Variants in RYR2 observed in about 807,000 individuals in gnomAD.
RYR2 encodes the protein ryanodine receptor 2, also known as cardiac muscle ryanodine receptor-calcium release channel.
In RYR2, 227 loss-of-function variants were observed where a neutral mutation model predicts 601.1. That is an observed-to-expected ratio of 0.38 (90% CI 0.34 to 0.42). The LOEUF (loss-of-function observed/expected upper bound fraction) is 0.42. Ranked by LOEUF, RYR2 falls within the 10% of genes least tolerant of loss-of-function variation. The probability of loss-of-function intolerance (pLI) is 1.00; values close to 1 mark genes in which losing one functional copy is unlikely to be tolerated. For synonymous variants in RYR2, 2,223 were observed against 2,175.1 expected (o/e 1.02, Z -0.61); for missense variants, 4,646 against 6,156.5 (o/e 0.75, Z 8.21).
chr1:237,758,556 C>T (rs111889062), intron 82 of RYR2, among the ~76,000 whole-genome samples: 9 of 151,828 alleles, frequency 5.9e-5, no homozygotes, highest in South Asian at 2.1e-4. Context: ...TGCATTTGTG[C>T]GTATATATAT....
rs1339368139 is a variant in RYR2 at position 237,469,588 on chromosome 1, C to A, written c.1708+401C>A. On this transcript the variant is annotated intron_variant, in intron 17 of 104. Transcript: ENST00000366574. The stretch of plus-strand genomic sequence containing the variant: ...TCATGTCCATTTATATCTTAAAAAA[C>A]CTATTTATAAAGCCCTGAAAACCAC... Among the ~76,000 whole-genome samples the A allele has an allele frequency of 2.6e-5, 4 of 152,184 alleles. No individual in the cohort carries two copies. In the East Asian group the frequency reaches 5.8e-4, roughly 22 times the overall value.
In RYR2 at chr1:237,180,854, ATT is replaced by A. The variant is rs1177151940; in HGVS notation, c.49-89641_49-89640del. On this transcript the variant is annotated intron_variant, in intron 1 of 104. Coordinates refer to ENST00000366574, the MANE Select transcript of RYR2 (RefSeq NM_001035.3). This position sits in a 1 kb window ranked among gnomAD's most constrained non-coding sequence, Gnocchi z 5.3. ...ATATATCAATATTAATAAAGTATAT[ATT>A]TATACTAATTAAATATATTTGATTA... Among the ~76,000 whole-genome samples, 5 of 148,186 alleles carry A rather than the reference ATT, an allele frequency of 3.4e-5. No individual in the cohort carries two copies. Among genetic ancestry groups the A allele is most frequent in the Non-Finnish European group, 5.9e-5 (4 of 67,280 alleles).
intron 56 of RYR2, among the ~76,000 whole-genome samples, chr1:237,663,492 G>A (rs1015344677): frequency 6.6e-6 from 1 of 152,142 alleles, no homozygotes; most frequent in African/African-American, 2.4e-5. Context: ...CATGGTTAAC[G>A]GCAGTATCTG....
At chr1:237,694,987 T>TA (rs1687287130) in intron 63 of RYR2, among the ~76,000 whole-genome samples, 1 of 152,124 alleles carries the variant, frequency 6.6e-6, no homozygotes, top group South Asian at 2.1e-4. Flanking sequence ...TAGAGAAAAA[T>TA]AAAAAGTACA....
intron 1 of RYR2, among the ~76,000 whole-genome samples, chr1:237,143,463 G>A (rs1673610887): frequency 6.6e-6 from 1 of 152,082 alleles, no homozygotes; most frequent in South Asian, 2.1e-4. Context: ...TAGCTGCTTT[G>A]CCTACAGCAG....
At chr1:237,269,081 T>C (rs558931301) in intron 1 of RYR2, among the ~76,000 whole-genome samples, 2,907 of 123,860 alleles carry the variant, frequency 0.023, 290 homozygotes, top group African/African-American at 0.077. Flanking sequence ...TCGCTCTTGT[T>C]GCCCAGGCTG....
chr1:237,457,242 C>G (rs1232805408), intron 16 of RYR2, among the ~76,000 whole-genome samples: 3 of 152,254 alleles, frequency 2.0e-5, no homozygotes, highest in Non-Finnish European at 4.4e-5. Flanking sequence ...AATCAATGAT[C>G]TGCTCCAGTC....
rs1023940339 is a variant in RYR2 at position 237,550,553 on chromosome 1, A to G, written c.3076A>G (p.Asn1026Asp). The change falls in exon 27 of 105, where the codon AAC (asparagine) becomes GAC (aspartate). Residue 1026 changes from asparagine (N) to aspartate (D), a missense_variant. Around this residue, in one of 17 missense-constraint regions of RYR2, gnomAD observed 1,807 missense variants for 2,088.1 expected, o/e 0.87. Transcript: ENST00000366574. The stretch of plus-strand genomic sequence containing the variant: ...CTGTGTTTTCCTGCAGGACGTAAAG[A>G]ACAGAAGAAATCCTCGCCTTGTTCC... ...WTYGIQQDVK[N>D]RRNPRLVPYT... 1 of 1,609,366 alleles carries G rather than the reference A, an allele frequency of 6.2e-7. No homozygotes were observed. Among genetic ancestry groups the G allele is most frequent in the African/African-American group, 1.3e-5 (1 of 74,730 alleles).
chr1:237,122,592 G>T (rs1371863711), intron 1 of RYR2, among the ~76,000 whole-genome samples: 3 of 152,194 alleles, frequency 2.0e-5, no homozygotes, highest in Non-Finnish European at 4.4e-5. Context: ...TGAGGCACAA[G>T]AATCGCTTGA....
At chr1:237,788,272 A>G in intron 92 of RYR2, 137 bp downstream of exon 92, 1 of 641,098 alleles carries the variant, frequency 1.6e-6, no homozygotes, top group Non-Finnish European at 2.7e-6. Context: ...TGATTTGCTC[A>G]TTGTAGTGTG....
At chr1:237,333,540 C>G in intron 3 of RYR2, 2 of 453,326 alleles carry the variant, frequency 4.4e-6, no homozygotes, top group Non-Finnish European at 8.9e-6. Context: ...ACTGTGGGGA[C>G]TTGCGGCAGC....
intron 1 of RYR2, among the ~76,000 whole-genome samples, chr1:237,153,243 G>A (rs1214260792): frequency 6.6e-6 from 1 of 152,166 alleles, no homozygotes; most frequent in African/African-American, 2.4e-5. Flanking sequence ...TTTGGGGGGA[G>A]GGGAAGGAAT....
chr1:237,255,621 G>A (rs912283524), intron 1 of RYR2, among the ~76,000 whole-genome samples: 7 of 152,022 alleles, frequency 4.6e-5, no homozygotes, highest in African/African-American at 1.5e-4. Flanking sequence ...CATTCATGAG[G>A]GCAGTTTCAA....
At chr1:237,674,658 T>TAC (rs1278234759) in intron 59 of RYR2, 73 bp from the exon 60 acceptor site, 17 of 752,816 alleles carry the variant, frequency 2.3e-5, no homozygotes, top group South Asian at 1.2e-4. Context: ...CATATATATA[T>TAC]ACACACACAC....
At chr1:237,200,197 T>C (rs891651634) in intron 1 of RYR2, among the ~76,000 whole-genome samples, 5 of 152,206 alleles carry the variant, frequency 3.3e-5, no homozygotes, top group Non-Finnish European at 5.9e-5. Context: ...TGCCTCTTTA[T>C]TTTTAATAGC....
Position 237,628,198 on chromosome 1 carries a change from A to G in RYR2, c.6440+118A>G, listed in dbSNP as rs555859585. On this transcript the variant is annotated intron_variant, in intron 41 of 104. Coordinates refer to ENST00000366574, the MANE Select transcript of RYR2 (RefSeq NM_001035.3). Reference sequence around the variant, plus strand: ...ATATTGTCTGGATTATACGATTATTATACTAAATAGCTTTTCTTTTTTTTA... The same window carrying G: ...ATATTGTCTGGATTATACGATTATTGTACTAAATAGCTTTTCTTTTTTTTA... 2.1e-5 allele frequency: 24 copies of G among 1,166,382 alleles called. 1 individual carries two copies. The South Asian group carries it at 3.9e-4, about 19-fold the overall frequency. 72.3% of individuals were successfully genotyped at this position (1,166,382 alleles called of 1,614,324 possible). A position where few individuals can be genotyped will look rare whatever the true frequency, so the allele number is the denominator to read the frequency against.
At chr1:237,222,129 C>A (rs1436794282) in intron 1 of RYR2, among the ~76,000 whole-genome samples, 1 of 152,024 alleles carries the variant, frequency 6.6e-6, no homozygotes, top group Non-Finnish European at 1.5e-5. Flanking sequence ...AAAATAGAAG[C>A]TTGGGCCAGG....
chr1:237,734,005 T>C (rs1690919318), intron 79 of RYR2, among the ~76,000 whole-genome samples: 1 of 152,220 alleles, frequency 6.6e-6, no homozygotes, highest in South Asian at 2.1e-4. Context: ...ATATTGGAGA[T>C]AACATGTGAA....
At chr1:237,761,559 G>A (rs1288091336) in intron 84 of RYR2, among the ~76,000 whole-genome samples, 1 of 152,024 alleles carries the variant, frequency 6.6e-6, no homozygotes, top group Non-Finnish European at 1.5e-5. Context: ...CAGTTATTTC[G>A]CTTAAATAAT....
Sources: gnomAD v4.1 joint callset for allele counts (sites outside exome capture counted in the v4.1 genomes callset) on GRCh38, gnomAD v4.1.1 for gene constraint, gnomAD v4.1.1 regional missense constraint, Gnocchi (gnomAD v3.1) non-coding constraint, MANE v1.5 for transcripts, NCBI Gene and HGNC (gene_info 2026-07-23, HGNC 2026-07-21) for gene names.